The following NEB variants were observed in gnomAD, a reference collection of about 807,000 sequenced individuals.
NEB encodes the protein nebulin, also known as nemaline myopathy type 2.
Under a neutral mutation model 952.2 loss-of-function variants are expected in NEB, and 512 were observed. That is an observed-to-expected ratio of 0.54 (90% CI 0.50 to 0.58). NEB has a LOEUF of 0.58. Ranked by LOEUF, NEB falls within the 20% of genes least tolerant of loss-of-function variation. NEB has a pLI of 0.00. For synonymous variants in NEB, 2,900 were observed against 3,149.8 expected (o/e 0.92, Z 2.66); for missense variants, 8,428 against 9,231.1 (o/e 0.91, Z 3.56).
chr2:151,569,116 G>A (rs2096539412), intron 110 of NEB, among the ~76,000 whole-genome samples, 152 bp downstream of exon 110: 2 of 152,160 alleles, frequency 1.3e-5, no homozygotes. Flanking sequence ...ATGTGATAGC[G>A]ACAGTACATT....
intron 29 of NEB, among the ~76,000 whole-genome samples, chr2:151,681,619 C>T (rs59619867): frequency 0.023 from 3,464 of 152,170 alleles, 149 homozygotes; most frequent in African/African-American, 0.079. Flanking sequence ...AACAAAACAC[C>T]GAACAAGAAG....
Position 151,518,655 on chromosome 2 carries a change from TAA to T in NEB, c.22696-235_22696-234del, listed in dbSNP as rs1270740718. On this transcript the variant is annotated intron_variant, in intron 155 of 181. Coordinates refer to ENST00000397345, the MANE Select transcript of NEB (RefSeq NM_001164508.2). ...GCTTGTTCAAAGTAGGTGTTATAAGTAAAAAGTTAAAAGTGAAAGAAACTATT... is the reference window on the plus strand; with the variant it reads ...GCTTGTTCAAAGTAGGTGTTATAAGTAAAGTTAAAAGTGAAAGAAACTATT... Among the ~76,000 whole-genome samples, 3 of 152,302 alleles carry T rather than the reference TAA, an allele frequency of 2.0e-5. No homozygotes were observed. In the East Asian group the frequency reaches 5.8e-4, roughly 29 times the overall value.
Position 151,665,537 on chromosome 2 carries a change from A to T in NEB, c.5034T>A (p.Asn1678Lys). The change falls in exon 42 of 182, where the codon AAT (asparagine) becomes AAA (lysine). Residue 1678 changes from asparagine to lysine, a missense_variant and splice_region_variant. Asn to Lys is a moderately conservative substitution (Grantham distance 94). Coordinates refer to ENST00000397345, the MANE Select transcript of NEB (RefSeq NM_001164508.2). ...SRNAMQIQSDNLYKSDFTNWM... is the reference protein window; with the variant it reads ...SRNAMQIQSDKLYKSDFTNWM... ...AATTGGTGAAGTCAGATTTGTACAG[A>T]TTCTTTACAATGAGAAAAAAAATTT... is the stretch of plus-strand genomic sequence containing the variant. 6.3e-7 allele frequency: 1 copy of T among 1,576,956 alleles called. No individual in the cohort carries two copies. Among genetic ancestry groups the T allele is most frequent in the Middle Eastern group, 1.7e-4 (1 of 5,920 alleles).
In NEB at chr2:151,692,267, G is replaced by A. The variant is rs1276276397; in HGVS notation, c.1992C>T (p.Phe664=). ...KYQLDTQLKN[F]SEARYKDLYV... is the part of the protein sequence containing the mutation. ...TAACCGTGGCTTTTCGAACCTCACTGAAGTTCTTCAGCTGAGTATCAAGTT... is the reference window on the plus strand; with the variant it reads ...TAACCGTGGCTTTTCGAACCTCACTAAAGTTCTTCAGCTGAGTATCAAGTT... Residue 664 remains phenylalanine, a synonymous_variant, in exon 21 of 182, where the codon TTC becomes TTT. Transcript: ENST00000397345. 6.2e-7 allele frequency: 1 copy of A among 1,613,612 alleles called. No homozygotes were observed. Among genetic ancestry groups the A allele is most frequent in the Non-Finnish European group, 8.5e-7 (1 of 1,179,598 alleles).
Position 151,669,820 on chromosome 2 carries a change from C to A in NEB, c.4507-689G>T, listed in dbSNP as rs115197960. On this transcript the variant is annotated intron_variant, in intron 38 of 181. Coordinates refer to ENST00000397345, the MANE Select transcript of NEB (RefSeq NM_001164508.2). ...ATTCGTGTTTTAAGACAGGCTCTTG[C>A]GATTGTTTGAGACCTCAGGCAGGGA... is the stretch of plus-strand genomic sequence containing the variant. 8.6e-3 allele frequency among the ~76,000 whole-genome samples: 1,304 copies of A among 152,184 alleles called. 23 individuals carry two copies. The highest frequency in any genetic ancestry group is 0.029 in the African/African-American group (1,204 of 41,488).
rs373587647 is a variant in NEB at position 151,636,282 on chromosome 2, C to T, written c.9047G>A (p.Arg3016Gln). Reference sequence around the variant, plus strand: ...CGCCACGATGGGGATGGCGTCGCTTCGCAAGTCATAGCCTTTCTTCTTTGC... The same window carrying T: ...CGCCACGATGGGGATGGCGTCGCTTTGCAAGTCATAGCCTTTCTTCTTTGC... ...EEAKKKGYDL[R>Q]SDAIPIVAAK... The change falls in exon 64 of 182, where the codon CGA (arginine) becomes CAA (glutamine). Residue 3016 changes from arginine (R) to glutamine (Q), a missense_variant. By Grantham distance (43) the Arg-to-Gln change is conservative. Coordinates refer to ENST00000397345, the MANE Select transcript of NEB (RefSeq NM_001164508.2). 4.7e-4 allele frequency: 755 copies of T among 1,609,982 alleles called. No individual in the cohort carries two copies. Among genetic ancestry groups the T allele is most frequent in the Middle Eastern group, 2.0e-3 (12 of 6,060 alleles).
Position 151,493,848 on chromosome 2 carries a change from AG to A in NEB, c.24598del (p.Leu8200TrpfsTer16). 1 of 1,572,992 alleles carries A rather than the reference AG, an allele frequency of 6.4e-7. No homozygotes were observed. Among genetic ancestry groups the A allele is most frequent in the Non-Finnish European group, 8.6e-7 (1 of 1,158,580 alleles). On this transcript the variant is annotated frameshift_variant, in exon 175 of 182. Coordinates refer to ENST00000397345, the MANE Select transcript of NEB (RefSeq NM_001164508.2). LOFTEE classifies it high-confidence loss of function. ...AAAGGGTGTGGGGGTTGCTTTCCCC[AG>A]GTTCTCTTTGTATAACACCTGTGAG... ...NISSVLYKEN[L>X]GKATPTPFTP... is the part of the protein sequence containing the mutation.
chr2:151,670,848 T>C (rs563821589), intron 38 of NEB, among the ~76,000 whole-genome samples, 175 bp downstream of exon 38: 111 of 152,336 alleles, frequency 7.3e-4, no homozygotes, highest in Admixed American at 1.8e-3. Flanking sequence ...TCCCTGTTTT[T>C]CCCATGTTCA....
At chr2:151,714,681 A>G (rs2099754439) in intron 10 of NEB, among the ~76,000 whole-genome samples, 2 of 152,130 alleles carry the variant, frequency 1.3e-5, no homozygotes. Flanking sequence ...CAACAAGGGG[A>G]TATTGAGTTT....
intron 45 of NEB, 37 bp from the exon 46 acceptor site, chr2:151,662,378 T>G (rs748203894): frequency 8.2e-6 from 12 of 1,463,412 alleles, no homozygotes; most frequent in Non-Finnish European, 1.0e-5. Flanking sequence ...GAGAAGAAAC[T>G]GGAACTTCCC....
In NEB at chr2:151,614,367, A is replaced by C; in HGVS notation, c.11510T>G (p.Ile3837Arg). ...AKKCQILVSD[I>R]DYKHPLHEWT... ...TTCATGCAGGGGATGCTTGTAGTCT[A>C]TGTCGCTTACAAGGATCTGACACTT... Residue 3837 changes from isoleucine (I) to arginine (R), a missense_variant, in exon 77 of 182, where the codon ATA (isoleucine) becomes AGA (arginine). This residue lies in a region of NEB where 1,772 missense variants were observed against 1,960.3 expected (regional missense o/e 0.90). Coordinates refer to ENST00000397345, the MANE Select transcript of NEB (RefSeq NM_001164508.2). 1 of 1,613,886 alleles carries C rather than the reference A, an allele frequency of 6.2e-7. No individual in the cohort carries two copies. Among genetic ancestry groups the C allele is most frequent in the Non-Finnish European group, 8.5e-7 (1 of 1,179,858 alleles).
chr2:151,652,522 G>A (rs935953414), intron 52 of NEB, among the ~76,000 whole-genome samples: 1 of 152,196 alleles, frequency 6.6e-6, no homozygotes, highest in African/African-American at 2.4e-5. Context: ...ACTGCACCCA[G>A]CCTCCAAAAT....
intron 125 of NEB, 86 bp downstream of exon 125, chr2:151,554,845 T>G: frequency 1.0e-6 from 1 of 998,976 alleles, no homozygotes; most frequent in East Asian, 2.4e-5. Context: ...CACTCTATGA[T>G]GTTAGCACAA....
intron 175 of NEB, among the ~76,000 whole-genome samples, 164 bp from the exon 176 acceptor site, chr2:151,493,609 A>C (rs2058209734): frequency 6.6e-6 from 1 of 152,214 alleles, no homozygotes; most frequent in Non-Finnish European, 1.5e-5. Flanking sequence ...GAAAGAAGTA[A>C]AATCACTGTG....
chr2:151,717,680 C>T, intron 9 of NEB, among the ~76,000 whole-genome samples, 160 bp from the exon 10 acceptor site: 1 of 151,966 alleles, frequency 6.6e-6, no homozygotes, highest in East Asian at 1.9e-4. Flanking sequence ...AATTTTCTTC[C>T]CTCCTCCTCA....
At chr2:151,664,350 TTGGA>T (rs2099184440) in intron 44 of NEB, 147 bp downstream of exon 44, 1 of 565,720 alleles carries the variant, frequency 1.8e-6, no homozygotes, top group Non-Finnish European at 3.1e-6. Flanking sequence ...TAGAGGGTAC[TTGGA>T]TGGGGTGAAG....
chr2:151,510,306 T>A (rs909797186), intron 161 of NEB, among the ~76,000 whole-genome samples: 1 of 152,176 alleles, frequency 6.6e-6, no homozygotes, highest in African/African-American at 2.4e-5. Context: ...ATTCCTTCAT[T>A]ATTTTGTTAT....
chr2:151,670,416 A>AGTCC, intron 38 of NEB, among the ~76,000 whole-genome samples: 1 of 144,402 alleles, frequency 6.9e-6, no homozygotes, highest in African/African-American at 2.8e-5. Context: ...TGACAGAAAG[A>AGTCC]ATAAGAGTCC....
Position 151,727,692 on chromosome 2 carries a change from G to C in NEB, c.293C>G (p.Pro98Arg). ...HSQKMQDLFS[P>R]NKYKEKFEKT... ...TAGCAGAAGTTGTTTGAAACTTACT[G>C]GGCTAAAAAGATCCTGCATTTTCTG... The change falls in exon 5 of 182, where the codon CCA (proline) becomes CGA (arginine). Residue 98 changes from proline (P) to arginine (R), a missense_variant and splice_region_variant. By Grantham distance (103) the Pro-to-Arg change is moderately radical. Around this residue, in one of 11 missense-constraint regions of NEB, gnomAD observed 2,851 missense variants for 2,791.5 expected, o/e 1.02. Coordinates refer to ENST00000397345, the MANE Select transcript of NEB (RefSeq NM_001164508.2). The C allele has an allele frequency of 6.2e-7, 1 of 1,611,132 alleles. No homozygotes were observed. The highest frequency in any genetic ancestry group is 1.1e-5 in the South Asian group (1 of 90,998).
Sources: allele counts gnomAD v4.1 joint callset (sites outside exome capture counted in the v4.1 genomes callset), GRCh38; gene constraint gnomAD v4.1.1; regional missense constraint gnomAD v4.1.1; transcripts MANE v1.5; gene names NCBI Gene and HGNC (gene_info 2026-07-23, HGNC 2026-07-21).